Variants in GALNT10 observed in about 807,000 individuals in gnomAD.
GALNT10 encodes polypeptide N-acetylgalactosaminyltransferase 10, also known as GalNAc transferase 10.
Under a neutral mutation model 75.0 loss-of-function variants are expected in GALNT10, and 41 were observed. That is an observed-to-expected ratio of 0.55 (90% CI 0.43 to 0.71). The LOEUF is 0.71. GALNT10 is among the 30% of genes least tolerant of loss of function. The pLI is 0.00. For missense variants in GALNT10, 727 were observed against 818.5 expected (o/e 0.89, Z 1.36); for synonymous variants, 302 against 313.0 (o/e 0.96, Z 0.37).
chr5:154,307,632 A>G (rs1034444981), intron 3 of GALNT10, among the ~76,000 whole-genome samples: 4 of 151,824 alleles, frequency 2.6e-5, no homozygotes, highest in African/African-American at 9.7e-5. Flanking sequence ...GAAAAAAAAA[A>G]AAAAGAAATA....
chr5:154,287,750 T>A (rs1293085935), intron 1 of GALNT10, among the ~76,000 whole-genome samples: 2 of 152,192 alleles, frequency 1.3e-5, no homozygotes, highest in Non-Finnish European at 2.9e-5. Flanking sequence ...ATAAAAACAA[T>A]CCAGCTTATG....
chr5:154,414,011 A>G (rs910930522), intron 10 of GALNT10, among the ~76,000 whole-genome samples: 2 of 152,218 alleles, frequency 1.3e-5, no homozygotes, highest in African/African-American at 2.4e-5. Flanking sequence ...CAAAAAAAAT[A>G]TATGAATGGC....
At chr5:154,209,963 C>T (rs1410491506) in intron 1 of GALNT10, among the ~76,000 whole-genome samples, 2 of 152,046 alleles carry the variant, frequency 1.3e-5, no homozygotes, top group Non-Finnish European at 2.9e-5. Flanking sequence ...TATAAATAGC[C>T]TCATGTCTAT....
At chr5:154,278,893 C>T (rs1299525324) in intron 1 of GALNT10, among the ~76,000 whole-genome samples, 1 of 152,164 alleles carries the variant, frequency 6.6e-6, no homozygotes, top group Non-Finnish European at 1.5e-5. Flanking sequence ...TTCTTTATGA[C>T]TTAATAATAT....
chr5:154,310,536 C>T lies in GALNT10; in HGVS notation c.401+12457C>T, dbSNP rs559218721. Among the ~76,000 whole-genome samples the T allele has an allele frequency of 1.8e-3, 271 of 151,958 alleles. 1 individual carries two copies. Among genetic ancestry groups the T allele is most frequent in the African/African-American group, 4.5e-3 (185 of 41,396 alleles). ...CCAGGCTGGAGTGCAGGCGTGATCT[C>T]GGCTCACTGCATCCTCCACTTCCTG... On this transcript the variant is annotated intron_variant, in intron 3 of 11. Transcript: ENST00000297107.
chr5:154,312,627 C>T (rs1177105360), intron 3 of GALNT10, among the ~76,000 whole-genome samples: 3 of 152,196 alleles, frequency 2.0e-5, no homozygotes, highest in African/African-American at 4.8e-5. Flanking sequence ...GTCAACAGTT[C>T]CTCTGTAGAC....
chr5:154,364,523 G>A (rs1755446510), intron 4 of GALNT10, among the ~76,000 whole-genome samples: 1 of 152,078 alleles, frequency 6.6e-6, no homozygotes, highest in Admixed American at 6.5e-5. Flanking sequence ...CATGGGGAGG[G>A]GGCAGTGGTG....
chr5:154,336,232 C>G (rs1754943297), intron 4 of GALNT10, among the ~76,000 whole-genome samples: 1 of 152,152 alleles, frequency 6.6e-6, no homozygotes, highest in African/African-American at 2.4e-5. Flanking sequence ...ATCCATTCAC[C>G]TACTGAAGGA....
At chr5:154,257,815 A>C (rs949091361) in intron 1 of GALNT10, among the ~76,000 whole-genome samples, 11 of 152,120 alleles carry the variant, frequency 7.2e-5, no homozygotes, top group Non-Finnish European at 1.5e-5. Context: ...TTAGGGAGTG[A>C]GGTTTTTCTT....
chr5:154,252,979 TTTGG>T (rs1356795067), intron 1 of GALNT10, among the ~76,000 whole-genome samples: 6 of 120,500 alleles, frequency 5.0e-5, no homozygotes, highest in Admixed American at 2.0e-4. Flanking sequence ...TTTTTGTTTG[TTTGG>T]TTGGTTGGTT....
chr5:154,415,217 A>G (rs549484050), intron 10 of GALNT10, among the ~76,000 whole-genome samples: 50 of 152,366 alleles, frequency 3.3e-4, no homozygotes, highest in Non-Finnish European at 5.1e-4. Context: ...TAGATGTTAT[A>G]ATGGCACTTA....
intron 1 of GALNT10, among the ~76,000 whole-genome samples, chr5:154,214,931 TA>T (rs1752842759): frequency 6.6e-6 from 1 of 152,164 alleles, no homozygotes. Flanking sequence ...ATAATAACAG[TA>T]ATGGCTATGT....
intron 1 of GALNT10, among the ~76,000 whole-genome samples, chr5:154,224,078 A>G (rs563361067): frequency 6.6e-6 from 1 of 152,324 alleles, no homozygotes; most frequent in South Asian, 2.1e-4. Flanking sequence ...TCTATTCTCA[A>G]AAGTCCTTGA....
intron 9 of GALNT10, among the ~76,000 whole-genome samples, chr5:154,411,471 G>A (rs1756396556): frequency 3.9e-5 from 6 of 152,230 alleles, no homozygotes; most frequent in Admixed American, 3.9e-4. Context: ...AAAAGCAAGG[G>A]TAGGATGGAC....
chr5:154,327,148 G>A (rs1431051864), intron 3 of GALNT10, among the ~76,000 whole-genome samples: 1 of 152,040 alleles, frequency 6.6e-6, no homozygotes, highest in African/African-American at 2.4e-5. Context: ...CCTGGGAGAT[G>A]GAGGTTGCAT....
chr5:154,410,987 T>C (rs1020922356), intron 9 of GALNT10, among the ~76,000 whole-genome samples: 1 of 152,210 alleles, frequency 6.6e-6, no homozygotes, highest in Non-Finnish European at 1.5e-5. Context: ...GTGAGGCCCA[T>C]GCTGGCCGAG....
intron 1 of GALNT10, among the ~76,000 whole-genome samples, chr5:154,192,386 C>A (rs1487264697): frequency 6.6e-6 from 1 of 152,242 alleles, no homozygotes; most frequent in African/African-American, 2.4e-5. Context: ...CAAACCCTGA[C>A]AGCTAGCTTA....
intron 6 of GALNT10, among the ~76,000 whole-genome samples, chr5:154,381,077 A>C: frequency 6.6e-6 from 1 of 152,218 alleles, no homozygotes; most frequent in East Asian, 1.9e-4. Flanking sequence ...GAGGCTAAGT[A>C]ATTTGCCCAG....
chr5:154,411,189 GAGCCTGGGGT>G (rs1471816464), intron 9 of GALNT10, among the ~76,000 whole-genome samples: 1 of 152,234 alleles, frequency 6.6e-6, no homozygotes, highest in Non-Finnish European at 1.5e-5. Flanking sequence ...ACTCACATAT[GAGCCTGGGGT>G]AGCTATGGCT....
Sources: gnomAD v4.1 joint callset for allele counts (sites outside exome capture counted in the v4.1 genomes callset) on GRCh38, gnomAD v4.1.1 for gene constraint, MANE v1.5 for transcripts, NCBI Gene and HGNC (gene_info 2026-07-23, HGNC 2026-07-21) for gene names.